TSFM: variants seen among roughly 807,000 people sequenced by gnomAD.
The protein encoded by TSFM is Ts translation elongation factor, mitochondrial, also known as elongation factor Ts, mitochondrial.
Under a neutral mutation model 33.4 loss-of-function variants are expected in TSFM, and 29 were observed. That is an observed-to-expected ratio of 0.87 (90% CI 0.65 to 1.18). The LOEUF is 1.18. Ranked by LOEUF, TSFM falls within the 50% of genes most tolerant of loss-of-function variation. TSFM has a pLI of 0.00. For missense variants in TSFM, 394 were observed against 395.6 expected (o/e 1.00, Z 0.04); for synonymous variants, 178 against 163.5 (o/e 1.09, Z -0.68).
At chr12:57,787,006 C>T in intron 3 of TSFM, 34 bp from the exon 4 acceptor site, 1 of 1,587,538 alleles carries the variant, frequency 6.3e-7, no homozygotes, top group Non-Finnish European at 8.6e-7. Context: ...TATCATTAAA[C>T]AGCTTATACA....
intron 4 of TSFM, among the ~76,000 whole-genome samples, chr12:57,788,174 A>G (rs1048647070): frequency 7.9e-5 from 12 of 152,148 alleles, no homozygotes; most frequent in African/African-American, 2.2e-4. Context: ...ATGGAAAACA[A>G]TGTTGAGATT....
chr12:57,783,846 C>T, intron 2 of TSFM: 1 of 658,892 alleles, frequency 1.5e-6, no homozygotes, highest in Non-Finnish European at 2.7e-6. Context: ...GAACTCCTGG[C>T]CTCAGGTGAT....
In TSFM at chr12:57,793,449, C is replaced by T. The variant is rs181303664; in HGVS notation, c.571+376C>T. Among the ~76,000 whole-genome samples, 333 of 152,246 alleles carry T rather than the reference C, an allele frequency of 2.2e-3. 6 individuals carry two copies. Among genetic ancestry groups the T allele is most frequent in the Non-Finnish European group, 1.3e-3 (89 of 68,016 alleles). On this transcript the variant is annotated intron_variant, in intron 5 of 5. Coordinates refer to ENST00000652027, the MANE Select transcript of TSFM (RefSeq NM_005726.6). The stretch of plus-strand genomic sequence containing the variant: ...GTGTTAGCCAGGATGGTCTTGATCT[C>T]CTGACCTCGTGATCCGCCCGCCTCG...
chr12:57,788,586 T>C (rs1028844674), intron 4 of TSFM, among the ~76,000 whole-genome samples: 1 of 152,162 alleles, frequency 6.6e-6, no homozygotes, highest in Non-Finnish European at 1.5e-5. Flanking sequence ...CCCAGTGTAC[T>C]CTTTTTCCAG....
At position 57,782,847 on chromosome 12, in the gene TSFM, G is replaced by T; in HGVS notation, c.46G>T (p.Gly16Trp). The change falls in exon 1 of 6, where the codon GGG becomes TGG. Residue 16 changes from glycine to tryptophan, a missense_variant. Gly to Trp is a radical substitution (Grantham distance 184). This residue lies in a region of TSFM where 208 missense variants were observed against 180.4 expected (regional missense o/e 1.15). Coordinates refer to ENST00000652027, the MANE Select transcript of TSFM (RefSeq NM_005726.6). ...GCGCGTGTTTCTGGTCGCGCGGACCGGGAGCTACCCGGTGAGAAGTCCTGG... is the reference window on the plus strand; with the variant it reads ...GCGCGTGTTTCTGGTCGCGCGGACCTGGAGCTACCCGGTGAGAAGTCCTGG... ...SLRVFLVART[G>W]SYPAGSLLRQ... is the part of the protein sequence containing the mutation. 6.3e-7 allele frequency: 1 copy of T among 1,594,654 alleles called. No individual in the cohort carries two copies. The highest frequency in any genetic ancestry group is 8.5e-7 in the Non-Finnish European group (1 of 1,171,448).
Position 57,793,019 on chromosome 12 carries a change from C to G in TSFM, c.517C>G (p.Pro173Ala), listed in dbSNP as rs201787594. 2 of 1,613,892 alleles carry G rather than the reference C, an allele frequency of 1.2e-6. No individual in the cohort carries two copies. Among genetic ancestry groups the G allele is most frequent in the South Asian group, 1.1e-5 (1 of 91,076 alleles). ...FLNSSELSGLPAGPDREGSLK... is the reference protein window; with the variant it reads ...FLNSSELSGLAAGPDREGSLK... ...GAATTCCTCTGAGCTTTCTGGACTTCCAGCTGGGCCTGACAGAGAAGGCTC... is the reference window on the plus strand; with the variant it reads ...GAATTCCTCTGAGCTTTCTGGACTTGCAGCTGGGCCTGACAGAGAAGGCTC... Residue 173 changes from proline (P) to alanine (A), a missense_variant, in exon 5 of 6, where the codon CCA becomes GCA. By Grantham distance (27) the Pro-to-Ala change is conservative. Coordinates refer to ENST00000652027, the MANE Select transcript of TSFM (RefSeq NM_005726.6).
chr12:57,793,925 T>G (rs186877629), intron 5 of TSFM, among the ~76,000 whole-genome samples: 60 of 152,362 alleles, frequency 3.9e-4, no homozygotes, highest in African/African-American at 1.3e-3. Flanking sequence ...TACATTCTTT[T>G]AGAGCCTGTT....
chr12:57,792,853 A>G (rs1009502068), intron 4 of TSFM, 133 bp from the exon 5 acceptor site: 5 of 782,106 alleles, frequency 6.4e-6, no homozygotes, highest in Non-Finnish European at 9.9e-6. Context: ...TGGCTTCCCA[A>G]AGTGTTGGGA....
At chr12:57,802,741 A>C, downstream of TSFM, 1 of 594,398 alleles carries the variant, frequency 1.7e-6, no homozygotes. Context: ...CACCTAAGGC[A>C]GAAGCCTGAG....
intron 4 of TSFM, among the ~76,000 whole-genome samples, chr12:57,789,233 G>A (rs189286433): frequency 1.6e-4 from 24 of 152,062 alleles, no homozygotes; most frequent in Admixed American, 1.6e-3. Context: ...CAAAGTGCTG[G>A]GATTACAGGC....
Position 57,792,811 on chromosome 12 carries a change from C to T in TSFM, c.484-175C>T, listed in dbSNP as rs4301823. 0.26 allele frequency among the ~76,000 whole-genome samples: 40,239 copies of T among 152,026 alleles called. 6,706 individuals carry two copies. The highest frequency in any genetic ancestry group is 0.65 in the East Asian group (3,356 of 5,160). ...TTCACCATGTTTGCCAGGCTGGTCT[C>T]AAACTCCTGACCTCAGGTGATCCAC... On this transcript the variant is annotated intron_variant, in intron 4 of 5. Transcript: ENST00000652027.
At chr12:57,792,777 A>G (rs761405642) in intron 4 of TSFM, among the ~76,000 whole-genome samples, 10 of 152,020 alleles carry the variant, frequency 6.6e-5, no homozygotes, top group Admixed American at 1.3e-4. Context: ...ATTTCGTTGG[A>G]GACGGGGTTT....
At position 57,796,453 on chromosome 12, in the gene TSFM, T is replaced by G; in HGVS notation, c.848T>G (p.Met283Arg). Reference protein sequence around the residue: ...DEPGGEAETKMLSQPYLLDPS... With the variant: ...DEPGGEAETKRLSQPYLLDPS... The stretch of plus-strand genomic sequence containing the variant: ...CCTGGGGGAGAGGCAGAGACTAAGA[T>G]GCTGTCCCAGCCGTATTTGCTGGAT... Residue 283 changes from methionine (M) to arginine (R), a missense_variant, in exon 6 of 6, where the codon ATG becomes AGG. Physicochemically the swap from Met to Arg is moderately conservative, Grantham distance 91 (BLOSUM62 -1). Around this residue, in one of 3 missense-constraint regions of TSFM, gnomAD observed 186 missense variants for 198.8 expected, o/e 0.94. Transcript: ENST00000652027. The G allele has an allele frequency of 6.3e-7, 1 of 1,597,462 alleles. No individual in the cohort carries two copies. Among genetic ancestry groups the G allele is most frequent in the Non-Finnish European group, 8.5e-7 (1 of 1,171,366 alleles).
intron 4 of TSFM, among the ~76,000 whole-genome samples, chr12:57,788,466 A>G (rs184725634): frequency 1.9e-4 from 29 of 152,158 alleles, no homozygotes; most frequent in Admixed American, 1.9e-3. Context: ...TTGTAAAGAC[A>G]GAGTTTCACC....
chr12:57,802,687 C>A, downstream of TSFM: 1 of 623,262 alleles, frequency 1.6e-6, no homozygotes, highest in Non-Finnish European at 2.9e-6. Flanking sequence ...CTTTACTAAA[C>A]TTGTATCTGA....
chr12:57,801,122 C>T (rs113580619), downstream of TSFM: 20 of 1,610,982 alleles, frequency 1.2e-5, no homozygotes, highest in African/African-American at 1.6e-4. Flanking sequence ...GCTGGCTTCT[C>T]CCAAGAGCGA....
chr12:57,796,817 A>G lies in TSFM; in HGVS notation c.*234A>G. Reference sequence around the variant, plus strand: ...CGTGATAGTGTCGTGGAGAACAGGCATCAACAATACTGCTGCTCCCTTCAA... The same window carrying G: ...CGTGATAGTGTCGTGGAGAACAGGCGTCAACAATACTGCTGCTCCCTTCAA... On this transcript the variant is annotated 3_prime_UTR_variant, in exon 6 of 6. Coordinates refer to ENST00000652027, the MANE Select transcript of TSFM (RefSeq NM_005726.6). The G allele has an allele frequency of 8.5e-7, 1 of 1,171,048 alleles. No individual in the cohort carries two copies. Among genetic ancestry groups the G allele is most frequent in the Non-Finnish European group, 1.1e-6 (1 of 951,040 alleles). The allele number at this position is 1,171,048 out of a possible 1,614,324, so 72.5% of individuals were successfully genotyped here.
intron 4 of TSFM, among the ~76,000 whole-genome samples, chr12:57,790,295 C>G (rs1318300940): frequency 1.3e-5 from 2 of 151,898 alleles, no homozygotes; most frequent in Non-Finnish European, 2.9e-5. Flanking sequence ...GTCTTGAACT[C>G]CTGACCTCGT....
chr12:57,797,340 G>GT lies in TSFM; in HGVS notation c.*758dup. The GT allele has an allele frequency of 3.0e-6, 3 of 985,282 alleles. No homozygotes were observed. The highest frequency in any genetic ancestry group is 3.6e-6 in the Non-Finnish European group (3 of 829,896). The allele number at this position is 985,282 out of a possible 1,614,324, so 61.0% of individuals were successfully genotyped here. On this transcript the variant is annotated 3_prime_UTR_variant, in exon 6 of 6. Transcript: ENST00000652027. Reference sequence around the variant, plus strand: ...TCTTCAAGTATAACATAAAATTACCGTAACAAGCAGACCCAGAATACTGAA... The same window carrying GT: ...TCTTCAAGTATAACATAAAATTACCGTTAACAAGCAGACCCAGAATACTGAA...
Sources: allele counts gnomAD v4.1 joint callset (sites outside exome capture counted in the v4.1 genomes callset), GRCh38; gene constraint gnomAD v4.1.1; regional missense constraint gnomAD v4.1.1; transcripts MANE v1.5; gene names NCBI Gene and HGNC (gene_info 2026-07-23, HGNC 2026-07-21).